CFDP1: variants seen among roughly 807,000 people sequenced by gnomAD.
CFDP1 encodes the protein chromatin remodeling protein CFDP1.
A neutral mutation model predicts 40.1 loss-of-function variants in CFDP1; 31 were observed. That is an observed-to-expected ratio of 0.77 (90% CI 0.58 to 1.04). CFDP1 has a LOEUF of 1.04. Ranked by LOEUF, CFDP1 falls within the 50% of genes least tolerant of loss-of-function variation. The pLI is 0.00. For missense variants in CFDP1, 423 were observed against 343.4 expected (o/e 1.23, Z -1.83); for synonymous variants, 167 against 120.0 (o/e 1.39, Z -2.56).
In CFDP1 at chr16:75,369,413, A is replaced by C. The variant is rs921349953; in HGVS notation, c.650+25677T>G. On this transcript the variant is annotated intron_variant, in intron 5 of 6. Coordinates refer to ENST00000283882, the MANE Select transcript of CFDP1 (RefSeq NM_006324.3). ...AAACAAAAACAAAACAACCCACAAA[A>C]AAACAAAAAGCCAAAAAACCCGCAC... Among the ~76,000 whole-genome samples the C allele has an allele frequency of 2.6e-4, 40 of 152,228 alleles. 1 individual carries two copies. Among genetic ancestry groups the C allele is most frequent in the African/African-American group, 9.1e-4 (38 of 41,546 alleles).
intron 5 of CFDP1, among the ~76,000 whole-genome samples, chr16:75,320,390 T>C (rs2078354347): frequency 6.6e-6 from 1 of 152,042 alleles, no homozygotes; most frequent in Non-Finnish European, 1.5e-5. Context: ...GAAGAAGGTC[T>C]GCTGAAACAA....
At chr16:75,406,361 A>G (rs2079098982) in intron 4 of CFDP1, among the ~76,000 whole-genome samples, 1 of 151,982 alleles carries the variant, frequency 6.6e-6, no homozygotes, top group African/African-American at 2.4e-5. Flanking sequence ...TGGGCAACAG[A>G]GTGAGACCCT....
intron 5 of CFDP1, among the ~76,000 whole-genome samples, chr16:75,334,362 T>C (rs991139118): frequency 1.3e-5 from 2 of 151,144 alleles, no homozygotes; most frequent in African/African-American, 4.9e-5. Flanking sequence ...AGGATAAAAC[T>C]GTACGGCAGT....
intron 5 of CFDP1, among the ~76,000 whole-genome samples, chr16:75,376,807 G>T (rs8054586): frequency 1.3e-5 from 2 of 152,104 alleles, no homozygotes; most frequent in African/African-American, 4.8e-5. Flanking sequence ...TTTACCATTG[G>T]TATGACAACA....
chr16:75,426,898 T>TA (rs2079348273), intron 1 of CFDP1, among the ~76,000 whole-genome samples: 4 of 151,258 alleles, frequency 2.6e-5, no homozygotes, highest in Admixed American at 2.6e-4. Flanking sequence ...CTACTGAAAA[T>TA]ACAAAAATTA....
intron 4 of CFDP1, among the ~76,000 whole-genome samples, chr16:75,398,788 G>GA (rs113309773): frequency 1.3e-5 from 2 of 151,768 alleles, no homozygotes; most frequent in Non-Finnish European, 2.9e-5. Flanking sequence ...GGGCGTGGTG[G>GA]TCATGCCTGT....
chr16:75,342,019 G>C (rs1485202003), intron 5 of CFDP1, among the ~76,000 whole-genome samples: 1 of 152,070 alleles, frequency 6.6e-6, no homozygotes, highest in Non-Finnish European at 1.5e-5. Flanking sequence ...CCTAATATTT[G>C]TATAGTTCAC....
chr16:75,367,429 C>CT (rs2078722490), intron 5 of CFDP1, among the ~76,000 whole-genome samples: 2 of 80,048 alleles, frequency 2.5e-5, no homozygotes, highest in Non-Finnish European at 5.7e-5. Context: ...TACTCCAGAA[C>CT]TAAAAAAAAA....
chr16:75,338,396 A>T (rs1372752644), intron 5 of CFDP1, among the ~76,000 whole-genome samples: 1 of 152,202 alleles, frequency 6.6e-6, no homozygotes, highest in East Asian at 1.9e-4. Context: ...ACACAGAAGC[A>T]GAGGATAGGG....
rs534111416 is a variant in CFDP1 at position 75,309,592 on chromosome 16, G to A, written c.651-4410C>T. ...TCCCAGCACTTTGGGAAGCCGAGGC[G>A]GGCGGATCACAAGGTCAGGAGATCG... On this transcript the variant is annotated intron_variant, in intron 5 of 6. Transcript: ENST00000283882. Among the ~76,000 whole-genome samples the A allele has an allele frequency of 6.0e-4, 92 of 152,158 alleles. 1 individual carries two copies. The highest frequency in any genetic ancestry group is 1.3e-3 in the African/African-American group (53 of 41,530).
At chr16:75,427,692 TA>T (rs1316966094) in intron 1 of CFDP1, among the ~76,000 whole-genome samples, 67 of 152,342 alleles carry the variant, frequency 4.4e-4, no homozygotes, top group African/African-American at 1.4e-3. Context: ...CAGCTTCTTG[TA>T]AAGTTAAACA....
intron 1 of CFDP1, among the ~76,000 whole-genome samples, chr16:75,430,088 G>A (rs1212322411): frequency 6.6e-6 from 1 of 152,184 alleles, no homozygotes; most frequent in East Asian, 1.9e-4. Context: ...AAATTTTCTT[G>A]TTGGCAACAG....
At chr16:75,425,295 G>A (rs1446045405) in intron 1 of CFDP1, among the ~76,000 whole-genome samples, 1 of 149,176 alleles carries the variant, frequency 6.7e-6, no homozygotes, top group Non-Finnish European at 1.5e-5. Context: ...GCTGAGGAAG[G>A]AGAATCACTT....
At chr16:75,374,933 T>C (rs987104777) in intron 5 of CFDP1, among the ~76,000 whole-genome samples, 1 of 152,146 alleles carries the variant, frequency 6.6e-6, no homozygotes, top group African/African-American at 2.4e-5. Flanking sequence ...AGCTAGTGAC[T>C]ACTCTACTGA....
At chr16:75,404,703 TAA>T (rs959392870) in intron 4 of CFDP1, among the ~76,000 whole-genome samples, 3 of 139,522 alleles carry the variant, frequency 2.2e-5, no homozygotes, top group African/African-American at 5.3e-5. Context: ...CCTGGACTCT[TAA>T]AAAAAAAAAA....
At chr16:75,313,509 A>C (rs1415192971) in intron 5 of CFDP1, among the ~76,000 whole-genome samples, 2 of 152,066 alleles carry the variant, frequency 1.3e-5, no homozygotes, top group East Asian at 1.9e-4. Context: ...ATGTATTTTT[A>C]GTAGTGATAG....
chr16:75,392,390 G>A (rs951996321), intron 5 of CFDP1, among the ~76,000 whole-genome samples: 6 of 151,338 alleles, frequency 4.0e-5, no homozygotes, highest in Non-Finnish European at 7.4e-5. Context: ...AGGAAACAGT[G>A]CGAGACTCCA....
intron 5 of CFDP1, among the ~76,000 whole-genome samples, chr16:75,331,697 GT>G (rs1215218821): frequency 5.1e-5 from 3 of 58,838 alleles, no homozygotes; most frequent in Non-Finnish European, 7.8e-5. Flanking sequence ...GTTCATCCAT[GT>G]TGTGTGTTCC....
intron 5 of CFDP1, chr16:75,372,407 A>G (rs1232538857): frequency 6.6e-6 from 1 of 152,192 alleles, no homozygotes; most frequent in Non-Finnish European, 1.5e-5. Context: ...GACCAGCCTC[A>G]ATAAAATGTC....
Sources: gnomAD v4.1 joint callset for allele counts (sites outside exome capture counted in the v4.1 genomes callset) on GRCh38, gnomAD v4.1.1 for gene constraint, MANE v1.5 for transcripts, NCBI Gene and HGNC (gene_info 2026-07-23, HGNC 2026-07-21) for gene names.